NAV2: variants seen among roughly 807,000 people sequenced by gnomAD.
NAV2 encodes the protein helicase, APC down-regulated 1.
A neutral mutation model predicts 223.2 loss-of-function variants in NAV2; 54 were observed. The observed-to-expected ratio is 0.24, with a 90% CI of 0.19 to 0.30. The LOEUF (loss-of-function observed/expected upper bound fraction) is 0.30. Among genes scored for constraint, NAV2 ranks in the 10% least tolerant of loss-of-function variants. The pLI, the probability that NAV2 is intolerant of heterozygous loss-of-function variation, is 1.00. For missense variants in NAV2, 2,806 were observed against 3,147.5 expected (o/e 0.89, Z 2.60); for synonymous variants, 1,279 against 1,239.3 (o/e 1.03, Z -0.67).
intron 1 of NAV2, among the ~76,000 whole-genome samples, chr11:19,677,085 A>G (rs758642910): frequency 5.3e-5 from 8 of 152,216 alleles, no homozygotes; most frequent in Non-Finnish European, 1.0e-4. Flanking sequence ...TGTGAAGTGG[A>G]GAACTCCTTG....
At chr11:19,393,327 GC>G (rs1327183407) in intron 1 of NAV2, among the ~76,000 whole-genome samples, 1 of 152,212 alleles carries the variant, frequency 6.6e-6, no homozygotes, top group Non-Finnish European at 1.5e-5. Flanking sequence ...ATGCCATTGA[GC>G]CCAGTGCCTG....
At chr11:19,761,476 A>G (rs7122415) in intron 1 of NAV2, among the ~76,000 whole-genome samples, 6,081 of 152,296 alleles carry the variant, frequency 0.04, 382 homozygotes, top group African/African-American at 0.14. Flanking sequence ...AGGCAGCAGC[A>G]TGAAAACTGA....
intron 1 of NAV2, among the ~76,000 whole-genome samples, chr11:19,386,661 G>A (rs1849054149): frequency 6.6e-6 from 1 of 151,250 alleles, no homozygotes; most frequent in African/African-American, 2.4e-5. Flanking sequence ...ATCAGGAAAT[G>A]TGTCAATAAC....
At chr11:19,955,530 C>G (rs2047777759) in intron 10 of NAV2, among the ~76,000 whole-genome samples, 1 of 152,196 alleles carries the variant, frequency 6.6e-6, no homozygotes, top group Non-Finnish European at 1.5e-5. Context: ...TTCTTCTGGG[C>G]CCTGTCAGTT....
At chr11:19,915,647 A>T (rs941089129) in intron 6 of NAV2, among the ~76,000 whole-genome samples, 4 of 152,106 alleles carry the variant, frequency 2.6e-5, no homozygotes, top group Non-Finnish European at 4.4e-5. Flanking sequence ...TCCTCTAGAA[A>T]TCTTTCCCTG....
At chr11:20,063,641 T>C (rs1349574234) in intron 20 of NAV2, among the ~76,000 whole-genome samples, 1 of 152,084 alleles carries the variant, frequency 6.6e-6, no homozygotes, top group Non-Finnish European at 1.5e-5. Flanking sequence ...TCCCGAAGTG[T>C]TGGGATTACA....
chr11:19,710,870 T>C (rs1228547095), upstream of NAV2: 1 of 152,228 alleles, frequency 6.6e-6, no homozygotes, highest in Non-Finnish European at 1.5e-5. Context: ...AAATGTTGGG[T>C]AGCTATTCTG....
At chr11:19,635,239 T>C (rs1298868525) in intron 1 of NAV2, among the ~76,000 whole-genome samples, 1 of 152,230 alleles carries the variant, frequency 6.6e-6, no homozygotes, top group African/African-American at 2.4e-5. Context: ...TATGCCAAGC[T>C]AGGGAGTTTG....
intron 10 of NAV2, among the ~76,000 whole-genome samples, chr11:19,950,966 A>G (rs2047347569): frequency 6.6e-6 from 1 of 152,238 alleles, no homozygotes; most frequent in South Asian, 2.1e-4. Context: ...CCTTCTGAGA[A>G]GCATTCCTGC....
At chr11:20,099,804 T>C (rs1229496634) in intron 31 of NAV2, among the ~76,000 whole-genome samples, 1 of 152,188 alleles carries the variant, frequency 6.6e-6, no homozygotes, top group African/African-American at 2.4e-5. Flanking sequence ...TACATATATA[T>C]ACAGAGAGGG....
Position 20,054,159 on chromosome 11 carries a change from G to T in NAV2, c.4561G>T (p.Asp1521Tyr). Reference protein sequence around the residue: ...LRSHSAGGLQDTAANSPFSSG... With the variant: ...LRSHSAGGLQYTAANSPFSSG... ...GTCCCATTCTGCAGGAGGCCTTCAG[G>T]ACACCGCTGCCAATTCCCCCTTTTC... Residue 1521 changes from aspartate (D) to tyrosine (Y), a missense_variant, in exon 18 of 38, where the codon GAC becomes TAC. This residue lies in a region of NAV2 where 742 missense variants were observed against 777.9 expected (regional missense o/e 0.95). Coordinates refer to ENST00000349880, the MANE Select transcript of NAV2 (RefSeq NM_145117.5). The T allele has an allele frequency of 6.2e-7, 1 of 1,613,708 alleles. No homozygotes were observed. Among genetic ancestry groups the T allele is most frequent in the South Asian group, 1.1e-5 (1 of 90,978 alleles).
At position 19,611,517 on chromosome 11, in the gene NAV2, G is replaced by T. The variant is rs2046644632; in HGVS notation, c.76-220967G>T. 2.0e-5 allele frequency among the ~76,000 whole-genome samples: 3 copies of T among 152,112 alleles called. No homozygotes were observed. In the South Asian group the frequency reaches 6.2e-4, roughly 32 times the overall value. ...CTAGTGACTTCCTAGATACAATGGGGGTACAGGTATTGGGTAAATACAGTC... is the reference window on the plus strand; with the variant it reads ...CTAGTGACTTCCTAGATACAATGGGTGTACAGGTATTGGGTAAATACAGTC... On this transcript the variant is annotated intron_variant, in intron 1 of 37. Coordinates refer to the NAV2 transcript ENST00000360655.
chr11:19,632,875 C>T (rs1180602387), intron 1 of NAV2, among the ~76,000 whole-genome samples: 1 of 152,242 alleles, frequency 6.6e-6, no homozygotes, highest in Non-Finnish European at 1.5e-5. Flanking sequence ...TACCCACATG[C>T]ATTTTATCCA....
At chr11:20,026,697 G>A (rs908076118) in intron 11 of NAV2, among the ~76,000 whole-genome samples, 4 of 152,124 alleles carry the variant, frequency 2.6e-5, no homozygotes, top group African/African-American at 9.7e-5. Context: ...AACACATGAC[G>A]AGCGTTCATT....
chr11:19,955,456 C>G (rs1365690020), intron 10 of NAV2, among the ~76,000 whole-genome samples: 4 of 152,184 alleles, frequency 2.6e-5, no homozygotes, highest in Admixed American at 2.6e-4. Context: ...CCATATTCCG[C>G]TAAATGAATT....
intron 1 of NAV2, among the ~76,000 whole-genome samples, chr11:19,777,034 G>A (rs917068657): frequency 5.3e-5 from 8 of 151,832 alleles, no homozygotes; most frequent in African/African-American, 1.9e-4. Flanking sequence ...CTGAAGCGCC[G>A]GGTGCCACGC....
rs2063062970 is a variant in NAV2 at position 19,879,478 on chromosome 11, G to A, written c.512-391G>A. Among the ~76,000 whole-genome samples, 3 of 152,180 alleles carry A rather than the reference G, an allele frequency of 2.0e-5. No individual in the cohort carries two copies. The South Asian group carries it at 6.2e-4, about 32-fold the overall frequency. On this transcript the variant is annotated intron_variant, in intron 4 of 37. Transcript: ENST00000349880. ...CTTGGCACACTCACTGTGGCTTGAAGCTTAGAACATGGACTTGGCAGAAGC... is the reference window on the plus strand; with the variant it reads ...CTTGGCACACTCACTGTGGCTTGAAACTTAGAACATGGACTTGGCAGAAGC...
At chr11:19,862,265 A>G (rs185530463) in intron 3 of NAV2, among the ~76,000 whole-genome samples, 18 of 152,376 alleles carry the variant, frequency 1.2e-4, no homozygotes, top group Non-Finnish European at 2.5e-4. Context: ...TAAATATTAT[A>G]AACAGTATGG....
Position 19,977,792 on chromosome 11 carries a change from T to C in NAV2, c.2646-6333T>C, listed in dbSNP as rs540292211. Reference sequence around the variant, plus strand: ...TGCTTTTCTTTTCAGAGAGGTCAACTTTTTTCTTTTTTTTTTTTTTTTTTT... The same window carrying C: ...TGCTTTTCTTTTCAGAGAGGTCAACCTTTTTCTTTTTTTTTTTTTTTTTTT... On this transcript the variant is annotated intron_variant, in intron 10 of 37. Coordinates refer to ENST00000349880, the MANE Select transcript of NAV2 (RefSeq NM_145117.5). 8.3e-5 allele frequency among the ~76,000 whole-genome samples: 12 copies of C among 145,452 alleles called. No homozygotes were observed. In the South Asian group the frequency reaches 2.6e-3, roughly 31 times the overall value.
Sources: allele counts gnomAD v4.1 joint callset (sites outside exome capture counted in the v4.1 genomes callset), GRCh38; gene constraint gnomAD v4.1.1; regional missense constraint gnomAD v4.1.1; transcripts MANE v1.5; gene names NCBI Gene and HGNC (gene_info 2026-07-23, HGNC 2026-07-21).